Variants in TAFA4 observed in about 807,000 individuals in gnomAD.
TAFA4 encodes chemokine-like protein TAFA-4.
TAFA4 carries 20 observed loss-of-function variants against 21.1 expected under a neutral mutation model. The ratio of observed to expected loss-of-function variants is 0.95; its 90% CI spans 0.67 to 1.38. The LOEUF (loss-of-function observed/expected upper bound fraction) is 1.38, where lower values mean the gene tolerates loss of function less well. TAFA4 is among the 40% of genes most tolerant of loss of function. TAFA4 has a pLI of 0.00. For missense variants in TAFA4, 211 were observed against 180.9 expected, an observed-to-expected ratio of 1.17 and a Z score of -0.95; for synonymous variants, 71 against 67.4, an observed-to-expected ratio of 1.05 and a Z score of -0.26.
chr3:68,828,186 T>C (rs1704297593), intron 3 of TAFA4, among the ~76,000 whole-genome samples: 1 of 152,250 alleles, frequency 6.6e-6, no homozygotes, highest in Non-Finnish European at 1.5e-5. Context: ...CAGATGGTTG[T>C]GGATGCATGG....
At chr3:68,796,235 G>C (rs991509144) in intron 3 of TAFA4, among the ~76,000 whole-genome samples, 2 of 152,008 alleles carry the variant, frequency 1.3e-5, no homozygotes, top group Non-Finnish European at 2.9e-5. Flanking sequence ...AGGAAATAAA[G>C]CAATAAATGA....
intron 3 of TAFA4, among the ~76,000 whole-genome samples, chr3:68,867,634 A>G (rs2089435543): frequency 6.6e-6 from 1 of 152,258 alleles, no homozygotes; most frequent in East Asian, 1.9e-4. Context: ...GCAACTTATT[A>G]GGGATAGGCA....
chr3:68,916,405 T>C (rs1187732466), intron 1 of TAFA4, among the ~76,000 whole-genome samples: 2 of 152,210 alleles, frequency 1.3e-5, no homozygotes, highest in African/African-American at 4.8e-5. Context: ...GTATCTGTCT[T>C]CGTAGTATCC....
At chr3:68,766,559 A>AC (rs1229263908) in intron 3 of TAFA4, among the ~76,000 whole-genome samples, 2 of 152,058 alleles carry the variant, frequency 1.3e-5, no homozygotes, top group Non-Finnish European at 2.9e-5. Context: ...CTAAAAAAAA[A>AC]ACTCAGAAAA....
chr3:68,866,690 C>T (rs2089425072), intron 3 of TAFA4, among the ~76,000 whole-genome samples: 1 of 81,842 alleles, frequency 1.2e-5, no homozygotes, highest in Non-Finnish European at 2.5e-5. Context: ...TCTGCAAACT[C>T]ACAAAAAAAA....
intron 1 of TAFA4, among the ~76,000 whole-genome samples, chr3:68,914,740 G>A (rs2089988219): frequency 6.6e-6 from 1 of 152,144 alleles, no homozygotes; most frequent in African/African-American, 2.4e-5. Context: ...GGAGAAGTGG[G>A]CACACAGTCC....
At chr3:68,737,640 CTTAATATCTTTATATT>C (rs1702268924) in intron 5 of TAFA4, among the ~76,000 whole-genome samples, 1 of 152,026 alleles carries the variant, frequency 6.6e-6, no homozygotes, top group Non-Finnish European at 1.5e-5. Flanking sequence ...TTGTTTTAGA[CTTAATATCTTTATATT>C]TTAATATATT....
chr3:68,818,023 A>G (rs975791297), intron 3 of TAFA4, among the ~76,000 whole-genome samples: 28 of 152,174 alleles, frequency 1.8e-4, no homozygotes, highest in African/African-American at 6.8e-4. Context: ...AAAGTCCTAG[A>G]TGGCATTTTC....
chr3:68,928,610 C>T (rs548921005), intron 1 of TAFA4, among the ~76,000 whole-genome samples: 17 of 152,274 alleles, frequency 1.1e-4, no homozygotes, highest in South Asian at 2.1e-4. Context: ...TGGATACTGT[C>T]GCAGCTACTA....
chr3:68,753,913 G>A (rs550365082), intron 3 of TAFA4, among the ~76,000 whole-genome samples: 2 of 152,220 alleles, frequency 1.3e-5, no homozygotes, highest in African/African-American at 2.4e-5. Flanking sequence ...ATGGTGAGAC[G>A]CTGAGCAGAG....
intron 3 of TAFA4, among the ~76,000 whole-genome samples, chr3:68,794,608 C>T (rs1298448403): frequency 6.6e-6 from 1 of 152,142 alleles, no homozygotes; most frequent in Admixed American, 6.5e-5. Context: ...AAATTCCACA[C>T]TGTGTAGTGA....
At chr3:68,881,312 G>A (rs2089615858) in intron 2 of TAFA4, among the ~76,000 whole-genome samples, 1 of 152,150 alleles carries the variant, frequency 6.6e-6, no homozygotes, top group Non-Finnish European at 1.5e-5. Context: ...GGAAGACTAG[G>A]TTCATAGTTG....
intron 1 of TAFA4, among the ~76,000 whole-genome samples, chr3:68,895,067 G>C (rs758391454): frequency 4.6e-5 from 7 of 151,560 alleles, no homozygotes; most frequent in African/African-American, 1.5e-4. Flanking sequence ...GCCCAGGCTC[G>C]GCTTACTGCA....
At chr3:68,867,200 A>G (rs1261400538) in intron 3 of TAFA4, among the ~76,000 whole-genome samples, 1 of 152,154 alleles carries the variant, frequency 6.6e-6, no homozygotes, top group Non-Finnish European at 1.5e-5. Context: ...AGCAGCTAAT[A>G]ACATGTTGAG....
At chr3:68,892,278 T>C (rs2089737150) in intron 1 of TAFA4, among the ~76,000 whole-genome samples, 1 of 152,176 alleles carries the variant, frequency 6.6e-6, no homozygotes, top group Admixed American at 6.5e-5. Flanking sequence ...TACTGAACCA[T>C]TTTACAACAT....
chr3:68,806,289 A>T (rs2106835744), intron 3 of TAFA4, among the ~76,000 whole-genome samples: 1 of 152,318 alleles, frequency 6.6e-6, no homozygotes. Flanking sequence ...AGAAGAAGAG[A>T]CAGTCTTTTA....
intron 3 of TAFA4, among the ~76,000 whole-genome samples, chr3:68,838,173 A>G (rs1194093481): frequency 6.6e-6 from 1 of 152,134 alleles, no homozygotes; most frequent in African/African-American, 2.4e-5. Context: ...AACAGCAAAA[A>G]ACCCAATAAC....
At chr3:68,743,404 C>T (rs1212631285) in intron 4 of TAFA4, among the ~76,000 whole-genome samples, 5 of 151,880 alleles carry the variant, frequency 3.3e-5, no homozygotes, top group Non-Finnish European at 5.9e-5. Flanking sequence ...GATGAAACCC[C>T]GCCTCTACTA....
intron 3 of TAFA4, among the ~76,000 whole-genome samples, chr3:68,873,769 T>C (rs935977592): frequency 5.9e-5 from 9 of 152,256 alleles, no homozygotes; most frequent in South Asian, 2.1e-4. Flanking sequence ...AATAAGACTT[T>C]CCAGAGCAAA....
Sources: allele counts gnomAD v4.1 joint callset (sites outside exome capture counted in the v4.1 genomes callset), GRCh38; gene constraint gnomAD v4.1.1; transcripts MANE v1.5; gene names NCBI Gene and HGNC (gene_info 2026-07-23, HGNC 2026-07-21).